Variants in GADL1 observed in about 807,000 individuals in gnomAD.
GADL1 encodes GAD like acidic amino acid decarboxylase 1, also known as acidic amino acid decarboxylase GADL1.
Under a neutral mutation model 69.5 loss-of-function variants are expected in GADL1, and 71 were observed. That is an observed-to-expected ratio of 1.02 (90% confidence interval 0.84 to 1.25). The LOEUF (loss-of-function observed/expected upper bound fraction) is 1.25. Ranked by LOEUF, GADL1 falls within the 50% of genes most tolerant of loss-of-function variation. The pLI is 0.00. For synonymous variants in GADL1, 254 were observed against 214.4 expected (o/e 1.18, Z -1.62); for missense variants, 737 against 631.8 (o/e 1.17, Z -1.79).
At chr3:30,802,914 A>G (rs1343571324) in intron 11 of GADL1, among the ~76,000 whole-genome samples, 1 of 152,156 alleles carries the variant, frequency 6.6e-6, no homozygotes, top group African/African-American at 2.4e-5. Context: ...AGCCTGGGCA[A>G]CATAGTGAGA....
At chr3:30,865,284 AATAT>A (rs5847673) in intron 1 of GADL1, among the ~76,000 whole-genome samples, 24,471 of 121,408 alleles carry the variant, frequency 0.2, 2,101 homozygotes, top group African/African-American at 0.35. Context: ...CACGTAAATT[AATAT>A]ATATATATAT....
chr3:30,740,559 C>A (rs957412007), intron 14 of GADL1, among the ~76,000 whole-genome samples: 1 of 152,082 alleles, frequency 6.6e-6, no homozygotes, highest in African/African-American at 2.4e-5. Context: ...CCTCTACGTA[C>A]GTCCTAAAGC....
At chr3:30,737,747 C>T (rs768186029) in intron 14 of GADL1, among the ~76,000 whole-genome samples, 1 of 152,004 alleles carries the variant, frequency 6.6e-6, no homozygotes, top group African/African-American at 2.4e-5. Context: ...TTGGACATAC[C>T]TTTTTCAAAT....
intron 1 of GADL1, among the ~76,000 whole-genome samples, chr3:30,888,091 A>G (rs1212186373): frequency 6.6e-6 from 1 of 152,142 alleles, no homozygotes; most frequent in Non-Finnish European, 1.5e-5. Flanking sequence ...TAGTTGTTAT[A>G]CTGTATTGTT....
At chr3:30,862,083 G>T (rs926548376) in intron 1 of GADL1, among the ~76,000 whole-genome samples, 1 of 151,846 alleles carries the variant, frequency 6.6e-6, no homozygotes, top group Non-Finnish European at 1.5e-5. Context: ...ATGGGGAAAG[G>T]TACCATTCAC....
intron 14 of GADL1, among the ~76,000 whole-genome samples, chr3:30,774,937 A>AAAG (rs1696498839): frequency 6.6e-6 from 1 of 152,154 alleles, no homozygotes; most frequent in Non-Finnish European, 1.5e-5. Flanking sequence ...ATAAACTGGA[A>AAAG]AAGGAGATGG....
At chr3:30,758,020 A>ATTAAACTAATT (rs543818168) in intron 14 of GADL1, among the ~76,000 whole-genome samples, 5 of 152,328 alleles carry the variant, frequency 3.3e-5, no homozygotes, top group Non-Finnish European at 5.9e-5. Flanking sequence ...TGAGTTAAGT[A>ATTAAACTAATT]TTAAACTAAT....
intron 13 of GADL1, among the ~76,000 whole-genome samples, chr3:30,785,877 C>T (rs1696778540): frequency 6.6e-6 from 1 of 152,114 alleles, no homozygotes. Context: ...ACATTTGTAA[C>T]CACCTAATTT....
chr3:30,881,065 G>T, intron 1 of GADL1, among the ~76,000 whole-genome samples: 1 of 151,918 alleles, frequency 6.6e-6, no homozygotes, highest in Admixed American at 6.6e-5. Context: ...TCCCAGTGCA[G>T]TTAAGTGAGT....
chr3:30,769,858 G>A (rs1696377881), intron 14 of GADL1, among the ~76,000 whole-genome samples: 1 of 82,470 alleles, frequency 1.2e-5, no homozygotes, highest in South Asian at 4.3e-4. Context: ...CTGCCATGGA[G>A]GAGCAAAGAT....
intron 6 of GADL1, among the ~76,000 whole-genome samples, chr3:30,846,671 G>T (rs1698064249): frequency 1.3e-5 from 2 of 152,142 alleles, no homozygotes; most frequent in Non-Finnish European, 2.9e-5. Context: ...GAGTGTCCAA[G>T]GGATGTCTCT....
chr3:30,765,838 A>G (rs1696263478), intron 14 of GADL1, among the ~76,000 whole-genome samples: 2 of 151,974 alleles, frequency 1.3e-5, no homozygotes, highest in South Asian at 4.1e-4. Flanking sequence ...TTCATCAGCC[A>G]TTTTCTCCTA....
chr3:30,774,234 G>C (rs1185218301), intron 14 of GADL1, among the ~76,000 whole-genome samples: 1 of 152,182 alleles, frequency 6.6e-6, no homozygotes, highest in Non-Finnish European at 1.5e-5. Flanking sequence ...CCTGCACTGT[G>C]TAGAGCAATC....
At chr3:30,763,592 T>TA (rs1351008579) in intron 14 of GADL1, among the ~76,000 whole-genome samples, 3 of 151,828 alleles carry the variant, frequency 2.0e-5, no homozygotes, top group African/African-American at 7.2e-5. Context: ...AAATCTACCT[T>TA]AAATATGCTC....
chr3:30,758,319 T>G (rs1447041793), intron 14 of GADL1, among the ~76,000 whole-genome samples: 2 of 152,216 alleles, frequency 1.3e-5, no homozygotes, highest in Admixed American at 1.3e-4. Context: ...CCTCCTTAGC[T>G]GATGAGTTTT....
chr3:30,795,651 AAAG>A (rs1697016424), intron 12 of GADL1, among the ~76,000 whole-genome samples: 2 of 152,200 alleles, frequency 1.3e-5, no homozygotes, highest in African/African-American at 4.8e-5. Context: ...AGTAATTTGA[AAAG>A]AAAGAAATCA....
chr3:30,804,432 C>G (rs1487099872), intron 11 of GADL1, among the ~76,000 whole-genome samples: 2 of 152,168 alleles, frequency 1.3e-5, no homozygotes, highest in African/African-American at 4.8e-5. Flanking sequence ...TAGTCTGCGT[C>G]CTCTAGGTCT....
intron 14 of GADL1, among the ~76,000 whole-genome samples, chr3:30,776,983 T>C (rs1333233247): frequency 6.6e-6 from 1 of 152,218 alleles, no homozygotes; most frequent in Non-Finnish European, 1.5e-5. Context: ...GTATCACACA[T>C]TGGGGTAGAT....
chr3:30,769,040 T>C (rs1696355171), intron 14 of GADL1, among the ~76,000 whole-genome samples: 1 of 152,154 alleles, frequency 6.6e-6, no homozygotes, highest in South Asian at 2.1e-4. Context: ...TTTTCCTTAA[T>C]GGTTGTGTTG....
Sources: allele counts gnomAD v4.1 joint callset (sites outside exome capture counted in the v4.1 genomes callset), GRCh38; gene constraint gnomAD v4.1.1; transcripts MANE v1.5; gene names NCBI Gene and HGNC (gene_info 2026-07-23, HGNC 2026-07-21).